PSMA5: variants seen among roughly 807,000 people sequenced by gnomAD.
PSMA5 encodes proteasome 20S subunit alpha 5, also known as proteasome subunit alpha type-5.
Under a neutral mutation model 34.5 loss-of-function variants are expected in PSMA5, and 3 were observed. The observed-to-expected ratio is 0.09, with a 90% CI of 0.04 to 0.22. The LOEUF (loss-of-function observed/expected upper bound fraction) is 0.22, where lower values mean the gene tolerates loss of function less well. Ranked by LOEUF, PSMA5 falls within the 10% of genes least tolerant of loss-of-function variation. The pLI, the probability that PSMA5 is intolerant of heterozygous loss-of-function variation, is 1.00. For missense variants in PSMA5, 120 were observed against 286.1 expected, an observed-to-expected ratio of 0.42 and a Z score of 4.19; for synonymous variants, 88 against 95.8, an observed-to-expected ratio of 0.92 and a Z score of 0.47.
chr1:109,400,380 C>T lies in PSMA5; in HGVS notation c.*1633G>A, dbSNP rs765641493. ...TCACAGGAGCACAGATCATATCTAC[C>T]ATTTGAACAGCTCTCTGCCTGATGG... On this transcript the variant is annotated 3_prime_UTR_variant, in exon 9 of 9. Transcript: ENST00000271308. The T allele has an allele frequency of 1.3e-5, 2 of 152,220 alleles. No individual in the cohort carries two copies. The highest frequency in any genetic ancestry group is 2.4e-5 in the African/African-American group (1 of 41,444). The allele number at this position is 152,220 out of a possible 1,614,324, so 9.4% of individuals were successfully genotyped here.
chr1:109,423,278 A>T (rs183545468), intron 1 of PSMA5, among the ~76,000 whole-genome samples: 481 of 152,330 alleles, frequency 3.2e-3, no homozygotes, highest in Admixed American at 3.9e-3. Flanking sequence ...GTCTCTACTA[A>T]AAACACATAA....
chr1:109,417,199 G>C (rs1478875310), intron 2 of PSMA5, among the ~76,000 whole-genome samples: 1 of 152,158 alleles, frequency 6.6e-6, no homozygotes, highest in Non-Finnish European at 1.5e-5. Context: ...TAAGTCTATT[G>C]ATGTAAGATT....
At chr1:109,406,977 G>A (rs925543978) in intron 8 of PSMA5, among the ~76,000 whole-genome samples, 2 of 152,280 alleles carry the variant, frequency 1.3e-5, no homozygotes, top group Middle Eastern at 6.8e-3. Context: ...GATGTAAGAT[G>A]TAACTTGGAT....
At chr1:109,411,799 A>G (rs193263521) in intron 6 of PSMA5, 78 bp downstream of exon 6, 9 of 1,416,218 alleles carry the variant, frequency 6.4e-6, no homozygotes, top group South Asian at 1.2e-5. Flanking sequence ...ACAGTCTACA[A>G]TAATCTTCTC....
intron 1 of PSMA5, chr1:109,425,417 G>A (rs1654615765): frequency 6.6e-6 from 1 of 152,082 alleles, no homozygotes; most frequent in Non-Finnish European, 1.5e-5. Context: ...AGGACAGTGG[G>A]GAAATATGTC....
At chr1:109,415,783 G>T (rs1654170315) in intron 2 of PSMA5, among the ~76,000 whole-genome samples, 1 of 152,108 alleles carries the variant, frequency 6.6e-6, no homozygotes, top group African/African-American at 2.4e-5. Context: ...AACTCTTAAT[G>T]TCTTCTCTGG....
intron 8 of PSMA5, among the ~76,000 whole-genome samples, chr1:109,403,685 A>G (rs1244354291): frequency 6.6e-6 from 1 of 152,146 alleles, no homozygotes; most frequent in Non-Finnish European, 1.5e-5. Context: ...AGGGCATTTT[A>G]AAGTAATTTT....
At chr1:109,411,177 T>A in intron 6 of PSMA5, 64 bp from the exon 7 acceptor site, 1 of 1,158,930 alleles carries the variant, frequency 8.6e-7, no homozygotes, top group Non-Finnish European at 1.3e-6. Flanking sequence ...GTAACAAACG[T>A]CTCACTAAAA....
At chr1:109,419,752 TAGCGCCACTGCACTCC>T (rs112897554) in intron 2 of PSMA5, among the ~76,000 whole-genome samples, 6,008 of 143,282 alleles carry the variant, frequency 0.042, 426 homozygotes, top group African/African-American at 0.16. Flanking sequence ...TGGGCTGAGA[TAGCGCCACTGCACTCC>T]AGCCTGGGTG....
chr1:109,425,519 TGACAG>T (rs1418131847), intron 1 of PSMA5: 2 of 152,132 alleles, frequency 1.3e-5, no homozygotes, highest in Non-Finnish European at 2.9e-5. Flanking sequence ...AGCATATACT[TGACAG>T]GAAATGCAGC....
At chr1:109,402,570 T>C (rs940174265) in intron 8 of PSMA5, among the ~76,000 whole-genome samples, 3 of 152,232 alleles carry the variant, frequency 2.0e-5, no homozygotes, top group Admixed American at 6.5e-5. Flanking sequence ...CATAGAGTAG[T>C]TGTGAGGATT....
At chr1:109,424,051 G>A (rs1297090435) in intron 1 of PSMA5, among the ~76,000 whole-genome samples, 1 of 152,112 alleles carries the variant, frequency 6.6e-6, no homozygotes. Context: ...AATGTATTGT[G>A]CTTTTCCATT....
chr1:109,402,905 A>G (rs776917888), intron 8 of PSMA5, among the ~76,000 whole-genome samples: 1 of 152,126 alleles, frequency 6.6e-6, no homozygotes, highest in African/African-American at 2.4e-5. Flanking sequence ...GCGATTCTCC[A>G]TGTTGGTCAG....
intron 7 of PSMA5, among the ~76,000 whole-genome samples, chr1:109,410,631 T>TAA (rs1321292346): frequency 1.3e-5 from 2 of 152,210 alleles, no homozygotes; most frequent in Non-Finnish European, 2.9e-5. Context: ...ATATAGAGGA[T>TAA]AAACATATTG....
At chr1:109,413,642 A>G (rs978145547) in intron 3 of PSMA5, among the ~76,000 whole-genome samples, 4 of 152,226 alleles carry the variant, frequency 2.6e-5, no homozygotes, top group African/African-American at 4.8e-5. Flanking sequence ...GATTATGGCT[A>G]TAACTGTTAT....
At chr1:109,418,076 AT>A (rs1188463030) in intron 2 of PSMA5, among the ~76,000 whole-genome samples, 3 of 152,008 alleles carry the variant, frequency 2.0e-5, no homozygotes, top group African/African-American at 7.2e-5. Flanking sequence ...ATAAAAAAAA[AT>A]AACTGGGTGT....
chr1:109,405,720 G>A (rs1653730922), intron 8 of PSMA5, among the ~76,000 whole-genome samples: 1 of 152,190 alleles, frequency 6.6e-6, no homozygotes, highest in South Asian at 2.1e-4. Context: ...GATTACAGGT[G>A]TGAGCCACAT....
chr1:109,411,202 T>C (rs1174106194), intron 6 of PSMA5, 89 bp from the exon 7 acceptor site: 1 of 855,660 alleles, frequency 1.2e-6, no homozygotes, highest in African/African-American at 1.7e-5. Context: ...GTATAAATGC[T>C]TGGCCCTGCA....
Position 109,401,678 on chromosome 1 carries a change from A to C in PSMA5, c.*335T>G, listed in dbSNP as rs1653529998. ...CATTTCAAACAAAAGACTGTATTAC[A>C]ATGGCTGGGCACAGTGGCTCTCGCC... On this transcript the variant is annotated 3_prime_UTR_variant, in exon 9 of 9. Coordinates refer to ENST00000271308, the MANE Select transcript of PSMA5 (RefSeq NM_002790.4). 1 of 178,464 alleles carries C rather than the reference A, an allele frequency of 5.6e-6. No homozygotes were observed. Among genetic ancestry groups the C allele is most frequent in the African/African-American group, 2.4e-5 (1 of 42,422 alleles). The allele number at this position is 178,464 out of a possible 1,614,324, so 11.1% of individuals were successfully genotyped here. A position where few individuals can be genotyped will look rare whatever the true frequency, so the allele number is the denominator to read the frequency against.
Sources: gnomAD v4.1 joint callset for allele counts (sites outside exome capture counted in the v4.1 genomes callset) on GRCh38, gnomAD v4.1.1 for gene constraint, MANE v1.5 for transcripts, NCBI Gene and HGNC (gene_info 2026-07-23, HGNC 2026-07-21) for gene names.